The following METTL2A variants were observed in gnomAD, a reference collection of about 807,000 sequenced individuals.
METTL2A encodes the protein tRNA N(3)-cytidine methyltransferase METTL2A.
METTL2A carries 45 observed loss-of-function variants against 49.4 expected under a neutral mutation model. That is an observed-to-expected ratio of 0.91 (90% CI 0.72 to 1.17). The LOEUF is 1.17. Among genes scored for constraint, METTL2A ranks in the 50% most tolerant of loss-of-function variants. The probability of loss-of-function intolerance (pLI) is 0.00; values close to 1 mark genes in which losing one functional copy is unlikely to be tolerated. For missense variants in METTL2A, 361 were observed against 462.2 expected, an observed-to-expected ratio of 0.78 and a Z score of 2.01; for synonymous variants, 118 against 167.5, an observed-to-expected ratio of 0.70 and a Z score of 2.28.
intron 6 of METTL2A, among the ~76,000 whole-genome samples, chr17:62,441,581 G>C (rs1451448917): frequency 1.3e-5 from 2 of 151,984 alleles, no homozygotes; most frequent in African/African-American, 2.4e-5. Flanking sequence ...CGAGTAGCTG[G>C]GATTACAGGC....
At chr17:62,438,840 C>G (rs1424226398) in intron 5 of METTL2A, among the ~76,000 whole-genome samples, 1 of 152,040 alleles carries the variant, frequency 6.6e-6, no homozygotes, top group Non-Finnish European at 1.5e-5. Flanking sequence ...TGTTTTGAGA[C>G]AGGGTCTCAG....
intron 4 of METTL2A, among the ~76,000 whole-genome samples, chr17:62,431,289 C>T (rs2070663615): frequency 6.6e-6 from 1 of 152,162 alleles, no homozygotes; most frequent in African/African-American, 2.4e-5. Context: ...GCATGAGCCA[C>T]CATGCCCAGC....
At chr17:62,444,682 C>G (rs2070757397) in intron 6 of METTL2A, among the ~76,000 whole-genome samples, 155 bp from the exon 7 acceptor site, 1 of 152,210 alleles carries the variant, frequency 6.6e-6, no homozygotes, top group Non-Finnish European at 1.5e-5. Context: ...AGCTAATGTC[C>G]TTCAGTTCTA....
rs759626064 is a variant in METTL2A at position 62,452,615 on chromosome 17, C to T, written c.*3886C>T. Among the ~76,000 whole-genome samples, 6 of 151,964 alleles carry T rather than the reference C, an allele frequency of 3.9e-5. No homozygotes were observed. The highest frequency in any genetic ancestry group is 1.5e-4 in the African/African-American group (6 of 41,372). On this transcript the variant is annotated 3_prime_UTR_variant, in exon 9 of 9. Coordinates refer to ENST00000311506, the MANE Select transcript of METTL2A (RefSeq NM_181725.4). ...TATGGACCCATGGGTATTTGAGTTT[C>T]TTGTGGGGTTATTTGTTGTTGTTTT...
At position 62,441,996 on chromosome 17, in the gene METTL2A, C is replaced by T. The variant is rs369682445; in HGVS notation, c.809+1240C>T. On this transcript the variant is annotated intron_variant, in intron 6 of 8. Transcript: ENST00000311506. ...CTCCTGACCTCATGACCTCATGATC[C>T]GCCCGCCACGGCCTCCCAAAGTGCT... 4.6e-5 allele frequency among the ~76,000 whole-genome samples: 7 copies of T among 152,020 alleles called. No individual in the cohort carries two copies. The South Asian group carries it at 6.2e-4, about 14-fold the overall frequency.
chr17:62,432,395 G>T (rs979351356), intron 4 of METTL2A, among the ~76,000 whole-genome samples: 1 of 152,118 alleles, frequency 6.6e-6, no homozygotes, highest in Non-Finnish European at 1.5e-5. Flanking sequence ...TAGGCCAGGC[G>T]CAGTGGCCCA....
intron 4 of METTL2A, among the ~76,000 whole-genome samples, chr17:62,429,949 G>A (rs1039606979): frequency 4.6e-5 from 7 of 152,232 alleles, no homozygotes; most frequent in East Asian, 1.9e-4. Flanking sequence ...GGGATTACAG[G>A]CGTGAGCCAT....
chr17:62,440,357 T>G lies in METTL2A; in HGVS notation c.670-260T>G, dbSNP rs185743629. ...TTCAATAGCAAAAACCGCAATTACT[T>G]TTTCACCAATCTATATAATGATTAG... On this transcript the variant is annotated intron_variant, in intron 5 of 8. Transcript: ENST00000311506. Among the ~76,000 whole-genome samples, 261 of 152,210 alleles carry G rather than the reference T, an allele frequency of 1.7e-3. 1 individual carries two copies. The highest frequency in any genetic ancestry group is 6.2e-3 in the African/African-American group (257 of 41,534).
rs1366018171 is a variant in METTL2A at position 62,450,389 on chromosome 17, G to A, written c.*1660G>A. The A allele has an allele frequency of 1.3e-5, 2 of 151,312 alleles. No individual in the cohort carries two copies. The highest frequency in any genetic ancestry group is 2.9e-5 in the Non-Finnish European group (2 of 67,960). 9.4% of individuals were successfully genotyped at this position (151,312 alleles called of 1,614,324 possible). On this transcript the variant is annotated 3_prime_UTR_variant, in exon 9 of 9. Transcript: ENST00000311506. ...CCATCCCTCCGCCTCAGCCTCCTGA[G>A]TAGCTAGGACTGCAGGTGGGCACCA...
At chr17:62,447,792 TAA>T in intron 8 of METTL2A, 26 bp downstream of exon 8, 1 of 1,613,268 alleles carries the variant, frequency 6.2e-7, no homozygotes, top group Admixed American at 1.7e-5. Flanking sequence ...CTTTTTACAC[TAA>T]AAGTCCCCAG....
chr17:62,442,869 G>A (rs2070746279), intron 6 of METTL2A, among the ~76,000 whole-genome samples: 2 of 152,160 alleles, frequency 1.3e-5, no homozygotes, highest in African/African-American at 4.8e-5. Context: ...AGACTGCAGG[G>A]ACCAGTGATT....
At chr17:62,425,695 T>TGA in intron 2 of METTL2A, among the ~76,000 whole-genome samples, 1 of 146,552 alleles carries the variant, frequency 6.8e-6, no homozygotes, top group Non-Finnish European at 1.5e-5. Context: ...ACTTCTAGGA[T>TGA]TTTTTAATAG....
At chr17:62,426,039 AC>A (rs2070623442) in intron 2 of METTL2A, among the ~76,000 whole-genome samples, 1 of 151,512 alleles carries the variant, frequency 6.6e-6, no homozygotes, top group Non-Finnish European at 1.5e-5. Flanking sequence ...GTAGGAGGAC[AC>A]TTGATAGATA....
rs1204074668 is a variant in METTL2A, at chr17:62,450,103, AAAG to A, written c.*1377_*1379del. 6.6e-6 allele frequency: 1 copy of A among 152,080 alleles called. No individual in the cohort carries two copies. The highest frequency in any genetic ancestry group is 1.5e-5 in the Non-Finnish European group (1 of 68,022). 9.4% of individuals were successfully genotyped at this position (152,080 alleles called of 1,614,324 possible). A position where few individuals can be genotyped will look rare whatever the true frequency, so the allele number is the denominator to read the frequency against. ...AGGAAGACTCCGTCTCAAAAAAAAA[AAAG>A]AAAAGAATTTTCACTTTTTGCAAAA... On this transcript the variant is annotated 3_prime_UTR_variant, in exon 9 of 9. Transcript: ENST00000311506.
Position 62,447,264 on chromosome 17 carries a change from CA to C in METTL2A, c.917-431del, listed in dbSNP as rs548773297. 3.9e-3 allele frequency among the ~76,000 whole-genome samples: 590 copies of C among 151,902 alleles called. 4 individuals carry two copies. The highest frequency in any genetic ancestry group is 5.8e-3 in the Non-Finnish European group (391 of 67,904). ...TGAAACCCTGACTCTACTAAAAATACAAAAAATTAGCTGGGCATGGTGGTGG... is the reference window on the plus strand; with the variant it reads ...TGAAACCCTGACTCTACTAAAAATACAAAAATTAGCTGGGCATGGTGGTGG... On this transcript the variant is annotated intron_variant, in intron 7 of 8. Coordinates refer to ENST00000311506, the MANE Select transcript of METTL2A (RefSeq NM_181725.4).
intron 4 of METTL2A, among the ~76,000 whole-genome samples, chr17:62,432,132 C>G (rs2070670116): frequency 6.6e-6 from 1 of 152,154 alleles, no homozygotes; most frequent in African/African-American, 2.4e-5. Context: ...CAGTCACTCC[C>G]CATTTCCCAA....
At position 62,449,613 on chromosome 17, in the gene METTL2A, G is replaced by A. The variant is rs1446557235; in HGVS notation, c.*884G>A. 3.5e-6 allele frequency: 1 copy of A among 284,228 alleles called. No individual in the cohort carries two copies. Among genetic ancestry groups the A allele is most frequent in the Non-Finnish European group, 6.9e-6 (1 of 145,340 alleles). The allele number at this position is 284,228 out of a possible 1,614,324, so 17.6% of individuals were successfully genotyped here. ...GTAATCCAGCTACTTGGGAGACTGA[G>A]GCAGGAGAATTGCTTGAACCCAGGA... On this transcript the variant is annotated 3_prime_UTR_variant, in exon 9 of 9. Transcript: ENST00000311506.
At chr17:62,436,825 T>C (rs542749185) in intron 5 of METTL2A, among the ~76,000 whole-genome samples, 2 of 152,308 alleles carry the variant, frequency 1.3e-5, no homozygotes, top group Admixed American at 6.5e-5. Context: ...GCGATGCTGA[T>C]AGGATTTTGC....
At chr17:62,439,157 T>G (rs995866683) in intron 5 of METTL2A, among the ~76,000 whole-genome samples, 7 of 151,500 alleles carry the variant, frequency 4.6e-5, no homozygotes, top group African/African-American at 1.7e-4. Context: ...TTTTTTGTAT[T>G]TTTAGTAGAG....
Sources: allele counts gnomAD v4.1 joint callset (sites outside exome capture counted in the v4.1 genomes callset), GRCh38; gene constraint gnomAD v4.1.1; transcripts MANE v1.5; gene names NCBI Gene and HGNC (gene_info 2026-07-23, HGNC 2026-07-21).